Variants in USP24 observed in about 807,000 individuals in gnomAD.
The protein encoded by USP24 is ubiquitin specific peptidase 24, also known as ubiquitin carboxyl-terminal hydrolase 24.
In USP24, 97 loss-of-function variants were observed where a neutral mutation model predicts 361.6. The observed-to-expected ratio is 0.27, with a 90% CI of 0.23 to 0.32. The LOEUF (loss-of-function observed/expected upper bound fraction) is 0.32. USP24 is among the 10% of genes least tolerant of loss of function. The probability of loss-of-function intolerance (pLI) is 1.00; values close to 1 mark genes in which losing one functional copy is unlikely to be tolerated. For missense variants in USP24, 2,353 were observed against 3,165.6 expected (o/e 0.74, Z 6.16); for synonymous variants, 1,098 against 1,124.6 (o/e 0.98, Z 0.47).
At chr1:55,173,561 T>C (rs1368088409) in intron 3 of USP24, among the ~76,000 whole-genome samples, 1 of 152,218 alleles carries the variant, frequency 6.6e-6, no homozygotes, top group East Asian at 1.9e-4. Flanking sequence ...GGGAAAATAC[T>C]ATGCAACAAA....
At chr1:55,159,183 A>C in intron 9 of USP24, 147 bp from the exon 10 acceptor site, 1 of 749,798 alleles carries the variant, frequency 1.3e-6, no homozygotes, top group East Asian at 3.0e-5. Flanking sequence ...TTTTGCTTAG[A>C]AACAAAACTT....
chr1:55,215,053 C>T lies in USP24; in HGVS notation c.61G>A (p.Ala21Thr). The T allele has an allele frequency of 2.0e-6, 3 of 1,464,114 alleles. No individual in the cohort carries two copies. Among genetic ancestry groups the T allele is most frequent in the Non-Finnish European group, 2.7e-6 (3 of 1,104,972 alleles). The allele number at this position is 1,464,114 out of a possible 1,614,324, so 90.7% of individuals were successfully genotyped here. A position where few individuals can be genotyped will look rare whatever the true frequency, so the allele number is the denominator to read the frequency against. The change falls in exon 1 of 68, where the codon GCC (alanine) becomes ACC (threonine). Residue 21 changes from alanine to threonine, a missense_variant. Coordinates refer to ENST00000294383, the MANE Select transcript of USP24 (RefSeq NM_015306.3). ...AGGCGCAGGGCCTTGCGGATGGTGG[C>T]GGGGTCTGAGAAGCCCATGCACAGC... is the stretch of plus-strand genomic sequence containing the variant. ...TLLCMGFSDP[A>T]TIRKALRLAK...
chr1:55,207,914 T>C (rs576940757), intron 1 of USP24, among the ~76,000 whole-genome samples: 13 of 152,232 alleles, frequency 8.5e-5, no homozygotes, highest in Non-Finnish European at 1.6e-4. Context: ...TGTTTATCTT[T>C]AGAAGTGGGA....
chr1:55,209,171 G>A (rs1275949727), intron 1 of USP24, among the ~76,000 whole-genome samples: 6 of 151,966 alleles, frequency 3.9e-5, no homozygotes, highest in Non-Finnish European at 5.9e-5. Context: ...TCTCTTAGTC[G>A]TACCTCTGCA....
intron 59 of USP24, among the ~76,000 whole-genome samples, chr1:55,079,970 C>T (rs996573764): frequency 2.0e-5 from 3 of 152,078 alleles, no homozygotes; most frequent in Admixed American, 2.0e-4. Context: ...ACAGCGGATC[C>T]CTCACAGTCT....
chr1:55,146,196 T>G, intron 19 of USP24, 87 bp from the exon 20 acceptor site: 3 of 909,884 alleles, frequency 3.3e-6, no homozygotes, highest in Non-Finnish European at 5.2e-6. Flanking sequence ...AGATACATTT[T>G]AATACTTCAA....
At chr1:55,124,335 G>T in intron 35 of USP24, 134 bp downstream of exon 35, 1 of 1,021,116 alleles carries the variant, frequency 9.8e-7, no homozygotes, top group Non-Finnish European at 1.4e-6. Context: ...TACAGAGCTT[G>T]ATGAATTTTT....
chr1:55,184,237 T>A (rs1569649216), intron 1 of USP24, among the ~76,000 whole-genome samples: 2 of 151,976 alleles, frequency 1.3e-5, no homozygotes, highest in Non-Finnish European at 2.9e-5. Context: ...TTGTATTTTT[T>A]ATAGAGATGG....
intron 44 of USP24, among the ~76,000 whole-genome samples, chr1:55,100,254 T>TG (rs1160441012): frequency 1.3e-5 from 2 of 152,214 alleles, no homozygotes. Flanking sequence ...CCCAGCACTC[T>TG]GGGAGGCCGA....
At chr1:55,139,204 G>C (rs1437951247) in intron 24 of USP24, among the ~76,000 whole-genome samples, 194 bp from the exon 25 acceptor site, 1 of 152,136 alleles carries the variant, frequency 6.6e-6, no homozygotes, top group Non-Finnish European at 1.5e-5. Context: ...CATACAGATG[G>C]AATAAGGGAG....
chr1:55,095,344 G>C lies in USP24; in HGVS notation c.6114C>G (p.Phe2038Leu). Residue 2038 changes from phenylalanine to leucine, a missense_variant, in exon 51 of 68, where the codon TTC becomes TTG. Phe to Leu is a conservative substitution (Grantham distance 22). This residue lies in a region of USP24 where 598 missense variants were observed against 761.9 expected (regional missense o/e 0.78). Transcript: ENST00000294383. ...RRRYWNAYMLFYQRVSDQNSP... is the reference protein window; with the variant it reads ...RRRYWNAYMLLYQRVSDQNSP... ...AGTTCTGATCAGACACCCTTTGGTA[G>C]AAAAGCATATAGGCATTCCAGTATC... 1 of 1,613,484 alleles carries C rather than the reference G, an allele frequency of 6.2e-7. No homozygotes were observed. Among genetic ancestry groups the C allele is most frequent in the Non-Finnish European group, 8.5e-7 (1 of 1,179,666 alleles).
chr1:55,072,300 C>T lies in USP24; in HGVS notation c.7689+17G>A. The T allele has an allele frequency of 1.2e-6, 2 of 1,610,050 alleles. No individual in the cohort carries two copies. Among genetic ancestry groups the T allele is most frequent in the Non-Finnish European group, 1.7e-6 (2 of 1,178,034 alleles). On this transcript the variant is annotated intron_variant, in intron 66 of 67. Coordinates refer to ENST00000294383, the MANE Select transcript of USP24 (RefSeq NM_015306.3). Reference sequence around the variant, plus strand: ...ATAAGTGATTTAGACCACGCAAAAACAAGAGACAACTCTCACCTGAGCTGA... The same window carrying T: ...ATAAGTGATTTAGACCACGCAAAAATAAGAGACAACTCTCACCTGAGCTGA...
chr1:55,121,094 GT>G (rs1200901650), intron 37 of USP24, among the ~76,000 whole-genome samples: 2 of 152,200 alleles, frequency 1.3e-5, no homozygotes, highest in African/African-American at 4.8e-5. Flanking sequence ...AAGTTTATGG[GT>G]TGAGGTTGAT....
chr1:55,128,838 C>T (rs1232074895), intron 32 of USP24, among the ~76,000 whole-genome samples: 1 of 151,678 alleles, frequency 6.6e-6, no homozygotes, highest in Non-Finnish European at 1.5e-5. Flanking sequence ...CCTCAGTGTC[C>T]CAAGTAGTTA....
In USP24 at chr1:55,134,112, G is replaced by A. The variant is rs1646668141; in HGVS notation, c.3339C>T (p.Ala1113=). 6.2e-7 allele frequency: 1 copy of A among 1,613,768 alleles called. No individual in the cohort carries two copies. Among genetic ancestry groups the A allele is most frequent in the South Asian group, 1.1e-5 (1 of 91,062 alleles). ...CAAGTTGATCAAGGGCTTCCTGAATGGCTGGATCAGTGGGTATCAAGAGCA... is the reference window on the plus strand; with the variant it reads ...CAAGTTGATCAAGGGCTTCCTGAATAGCTGGATCAGTGGGTATCAAGAGCA... The part of the protein sequence containing the change: ...KLLLLIPTDP[A]IQEALDQLDS... Residue 1113 remains alanine (A), a synonymous_variant, in exon 30 of 68, where the codon GCC becomes GCT. Coordinates refer to ENST00000294383, the MANE Select transcript of USP24 (RefSeq NM_015306.3).
chr1:55,125,634 G>A (rs539859269), intron 33 of USP24, 29 bp downstream of exon 33: 4 of 1,578,332 alleles, frequency 2.5e-6, no homozygotes, highest in African/African-American at 1.3e-5. Flanking sequence ...AGTATTGCCT[G>A]GTAAGACTAA....
intron 54 of USP24, 47 bp from the exon 55 acceptor site, chr1:55,089,787 C>A: frequency 7.5e-7 from 1 of 1,336,752 alleles, no homozygotes; most frequent in Non-Finnish European, 1.0e-6. Context: ...TAAGCCCAGC[C>A]AATGACCTCA....
chr1:55,108,086 T>C (rs751513338), intron 39 of USP24, among the ~76,000 whole-genome samples: 7 of 150,790 alleles, frequency 4.6e-5, no homozygotes, highest in Non-Finnish European at 1.0e-4. Context: ...AAACAAAATC[T>C]TCTAGAGAAA....
In USP24 at chr1:55,166,417, C is replaced by CAA. The variant is rs1436581644; in HGVS notation, c.861+149_861+150dup. ...TGTTTACCTGCTAGTATTGTACATA[C>CAA]AAAAAAAGGAAGAAAATATGAAATC... On this transcript the variant is annotated intron_variant, in intron 6 of 67. Coordinates refer to ENST00000294383, the MANE Select transcript of USP24 (RefSeq NM_015306.3). 3.9e-6 allele frequency: 3 copies of CAA among 777,400 alleles called. No homozygotes were observed. The East Asian group carries it at 8.4e-5, about 22-fold the overall frequency. The allele number at this position is 777,400 out of a possible 1,614,324, so 48.2% of individuals were successfully genotyped here. A position where few individuals can be genotyped will look rare whatever the true frequency, so the allele number is the denominator to read the frequency against.
Sources: gnomAD v4.1 joint callset for allele counts (sites outside exome capture counted in the v4.1 genomes callset) on GRCh38, gnomAD v4.1.1 for gene constraint, gnomAD v4.1.1 regional missense constraint, MANE v1.5 for transcripts, NCBI Gene and HGNC (gene_info 2026-07-23, HGNC 2026-07-21) for gene names.